Variants in RABGAP1L observed in about 807,000 individuals in gnomAD.
The protein encoded by RABGAP1L is RAB GTPase activating protein 1 like.
In RABGAP1L, 63 loss-of-function variants were observed where a neutral mutation model predicts 137.7. The ratio of observed to expected loss-of-function variants is 0.46; its 90% confidence interval spans 0.37 to 0.56. The LOEUF (loss-of-function observed/expected upper bound fraction) is 0.56. Among genes scored for constraint, RABGAP1L ranks in the 20% least tolerant of loss-of-function variants. The probability of loss-of-function intolerance (pLI) is 0.00; values close to 1 mark genes in which losing one functional copy is unlikely to be tolerated. For missense variants in RABGAP1L, 1,095 were observed against 1,244.0 expected, an observed-to-expected ratio of 0.88 and a Z score of 1.80; for synonymous variants, 431 against 433.7, an observed-to-expected ratio of 0.99 and a Z score of 0.08.
chr1:174,435,801 C>A lies in RABGAP1L; in HGVS notation c.1710+41656C>A, dbSNP rs530663014. On this transcript the variant is annotated intron_variant, in intron 13 of 25. Transcript: ENST00000681986. ...GGTACATCTCCTAATGCTATCCCTCCCCTCTCCCCCGACACCACAACCGTC... is the reference window on the plus strand; with the variant it reads ...GGTACATCTCCTAATGCTATCCCTCACCTCTCCCCCGACACCACAACCGTC... 6.0e-3 allele frequency among the ~76,000 whole-genome samples: 814 copies of A among 136,412 alleles called. 26 individuals are homozygous for A. Among genetic ancestry groups the A allele is most frequent in the African/African-American group, 0.025 (782 of 31,472 alleles). 89.5% of individuals were successfully genotyped at this position (136,412 alleles called of 152,430 possible). A position where few individuals can be genotyped will look rare whatever the true frequency, so the allele number is the denominator to read the frequency against.
intron 14 of RABGAP1L, among the ~76,000 whole-genome samples, chr1:174,683,160 A>G (rs774245397): frequency 2.1e-5 from 3 of 144,372 alleles, no homozygotes; most frequent in Non-Finnish European, 4.5e-5. Context: ...ATTTGAACCC[A>G]CACTTCAACC....
chr1:174,677,332 G>A (rs1375052180), intron 14 of RABGAP1L, among the ~76,000 whole-genome samples: 1 of 152,100 alleles, frequency 6.6e-6, no homozygotes, highest in Non-Finnish European at 1.5e-5. Flanking sequence ...ATATTCATTT[G>A]CTTTTAGAAC....
intron 14 of RABGAP1L, among the ~76,000 whole-genome samples, chr1:174,666,872 G>A (rs1416964092): frequency 7.9e-5 from 12 of 151,706 alleles, no homozygotes; most frequent in Non-Finnish European, 1.5e-4. Flanking sequence ...TTTAAGGTAG[G>A]TCAAGAGCAG....
intron 11 of RABGAP1L, among the ~76,000 whole-genome samples, chr1:174,307,670 C>T (rs1237602886): frequency 2.6e-5 from 4 of 152,070 alleles, no homozygotes. Flanking sequence ...CATTTTATGA[C>T]TGAATAATAA....
intron 18 of RABGAP1L, among the ~76,000 whole-genome samples, chr1:174,759,576 C>G (rs888451247): frequency 8.2e-5 from 12 of 146,406 alleles, no homozygotes; most frequent in Non-Finnish European, 1.5e-4. Context: ...GCCTGGGCAA[C>G]AGAGTGAGAC....
At chr1:174,436,153 T>C (rs1287918744) in intron 13 of RABGAP1L, among the ~76,000 whole-genome samples, 7 of 152,204 alleles carry the variant, frequency 4.6e-5, no homozygotes, top group Non-Finnish European at 8.8e-5. Flanking sequence ...TGATTTATAA[T>C]CCTTTGGGTA....
intron 20 of RABGAP1L, among the ~76,000 whole-genome samples, chr1:174,967,900 A>C (rs1478804875): frequency 6.7e-6 from 1 of 150,152 alleles, no homozygotes; most frequent in Non-Finnish European, 1.5e-5. Flanking sequence ...ATAATGTTTT[A>C]ACATTCTCCA....
chr1:174,776,898 T>C (rs983596753), intron 18 of RABGAP1L, among the ~76,000 whole-genome samples: 10 of 152,248 alleles, frequency 6.6e-5, no homozygotes, highest in African/African-American at 2.2e-4. Context: ...TCTAATCCTG[T>C]ATCCTTAAAT....
rs1558207115 is a variant in RABGAP1L at position 174,406,278 on chromosome 1, C to CT, written c.1710+12134dup. The stretch of plus-strand genomic sequence containing the variant: ...CTGTGTATAAAATTTAAAATATACT[C>CT]TAAGTATTTTCATGTACTTAAGTGA... On this transcript the variant is annotated intron_variant, in intron 13 of 25. Coordinates refer to ENST00000681986, the MANE Select transcript of RABGAP1L (RefSeq NM_001366446.1). Among the ~76,000 whole-genome samples, 5 of 152,036 alleles carry CT rather than the reference C, an allele frequency of 3.3e-5. No individual in the cohort carries two copies. In the South Asian group the frequency reaches 1.0e-3, roughly 32 times the overall value.
intron 24 of RABGAP1L, among the ~76,000 whole-genome samples, chr1:174,984,321 A>C (rs984393189): frequency 1.3e-5 from 2 of 152,252 alleles, no homozygotes; most frequent in Non-Finnish European, 2.9e-5. Flanking sequence ...TATTGAGCAT[A>C]TACTATGTGC....
chr1:174,451,988 A>G (rs766833399), intron 13 of RABGAP1L, among the ~76,000 whole-genome samples: 7 of 152,212 alleles, frequency 4.6e-5, no homozygotes, highest in Non-Finnish European at 1.0e-4. Flanking sequence ...AAGAGGCTGA[A>G]TGAGGCAAAT....
intron 13 of RABGAP1L, among the ~76,000 whole-genome samples, chr1:174,587,283 C>G (rs1416159987): frequency 1.9e-5 from 2 of 103,812 alleles, no homozygotes; most frequent in East Asian, 5.7e-4. Context: ...ATGGCTGGGT[C>G]AAACTGTTGT....
chr1:174,561,586 T>C (rs1043039747), intron 13 of RABGAP1L, among the ~76,000 whole-genome samples: 3 of 152,182 alleles, frequency 2.0e-5, no homozygotes, highest in African/African-American at 7.2e-5. Context: ...GCTGGAGGCA[T>C]CATGCTACCT....
chr1:174,872,573 T>C (rs559703234), intron 19 of RABGAP1L, among the ~76,000 whole-genome samples: 1 of 152,190 alleles, frequency 6.6e-6, no homozygotes, highest in Non-Finnish European at 1.5e-5. Context: ...ATTTTTTTTT[T>C]TTTTAAGAGG....
At chr1:174,412,492 T>G (rs534604685) in intron 13 of RABGAP1L, among the ~76,000 whole-genome samples, 23 of 152,254 alleles carry the variant, frequency 1.5e-4, no homozygotes, top group African/African-American at 5.1e-4. Context: ...GAGATTTTGA[T>G]GCTATCATAA....
intron 19 of RABGAP1L, among the ~76,000 whole-genome samples, chr1:174,911,649 A>G (rs778971560): frequency 1.3e-5 from 2 of 152,218 alleles, no homozygotes; most frequent in Non-Finnish European, 2.9e-5. Flanking sequence ...TTATTGTTAT[A>G]GAAGTTAAAG....
In RABGAP1L at chr1:174,502,708, G is replaced by A. The variant is rs1395518246; in HGVS notation, c.1710+108563G>A. Among the ~76,000 whole-genome samples, 4 of 149,470 alleles carry A rather than the reference G, an allele frequency of 2.7e-5. No individual in the cohort carries two copies. In the Admixed American group the frequency reaches 2.7e-4, roughly 10 times the overall value. On this transcript the variant is annotated intron_variant, in intron 13 of 25. Coordinates refer to ENST00000681986, the MANE Select transcript of RABGAP1L (RefSeq NM_001366446.1). ...TGTGTGTGTATATATACATATATGT[G>A]CATATATATACACACACACACATAT... is the stretch of plus-strand genomic sequence containing the variant.
chr1:174,794,985 G>A (rs533236234), intron 18 of RABGAP1L, among the ~76,000 whole-genome samples: 1 of 152,284 alleles, frequency 6.6e-6, no homozygotes, highest in South Asian at 2.1e-4. Flanking sequence ...TCCTGAATAT[G>A]TCTGATAACC....
Position 174,498,738 on chromosome 1 carries a change from C to T in RABGAP1L, c.1710+104593C>T, listed in dbSNP as rs187904428. 1.5e-4 allele frequency among the ~76,000 whole-genome samples: 23 copies of T among 150,354 alleles called. No individual in the cohort carries two copies. The South Asian group carries it at 2.1e-3, about 14-fold the overall frequency. On this transcript the variant is annotated intron_variant, in intron 13 of 25. Transcript: ENST00000681986. The stretch of plus-strand genomic sequence containing the variant: ...ATTGGCCAGGCTGGTCTTGAACTCG[C>T]GACCTCAAGTGACCTACCAACCTCG...
Sources: allele counts gnomAD v4.1 joint callset (sites outside exome capture counted in the v4.1 genomes callset), GRCh38; gene constraint gnomAD v4.1.1; transcripts MANE v1.5; gene names NCBI Gene and HGNC (gene_info 2026-07-23, HGNC 2026-07-21).